The following EPB41L1 variants were observed in gnomAD, a reference collection of about 807,000 sequenced individuals.
EPB41L1 encodes band 4.1-like protein 1.
Under a neutral mutation model 97.8 loss-of-function variants are expected in EPB41L1, and 29 were observed. That is an observed-to-expected ratio of 0.30 (90% CI 0.22 to 0.40). The LOEUF (loss-of-function observed/expected upper bound fraction) is 0.40, where lower values mean the gene tolerates loss of function less well. EPB41L1 is among the 10% of genes least tolerant of loss of function. The pLI, the probability that EPB41L1 is intolerant of heterozygous loss-of-function variation, is 1.00. For missense variants in EPB41L1, 812 were observed against 1,162.3 expected, an observed-to-expected ratio of 0.70 and a Z score of 4.38; for synonymous variants, 383 against 459.2, an observed-to-expected ratio of 0.83 and a Z score of 2.12.
At position 36,230,057 on chromosome 20, in the gene EPB41L1, C is replaced by CCCT. The variant is rs1185969951; in HGVS notation, c.*723_*725dup. On this transcript the variant is annotated 3_prime_UTR_variant, in exon 22 of 22. Coordinates refer to ENST00000338074, the MANE Select transcript of EPB41L1 (RefSeq NM_012156.2). ...CTTGCTGTCATTTTCTGTCTCGGCT[C>CCCT]CCTCCTCCCCCTTCCCCCTTCCCCC... 2.0e-4 allele frequency: 31 copies of CCCT among 152,192 alleles called. No homozygotes were observed. The highest frequency in any genetic ancestry group is 2.0e-3 in the Admixed American group (31 of 15,260). The allele number at this position is 152,192 out of a possible 1,614,324, so 9.4% of individuals were successfully genotyped here.
intron 21 of EPB41L1, 125 bp from the exon 22 acceptor site, chr20:36,229,207 A>T: frequency 1.3e-6 from 1 of 790,852 alleles, no homozygotes; most frequent in Non-Finnish European, 2.2e-6. Context: ...GGTAAAGGGT[A>T]GCAAAAACAA....
intron 16 of EPB41L1, among the ~76,000 whole-genome samples, chr20:36,213,737 C>T (rs1234555743): frequency 3.3e-5 from 5 of 152,020 alleles, no homozygotes; most frequent in African/African-American, 1.2e-4. Context: ...TCAAGCAGAA[C>T]AAAATGGGAT....
intron 21 of EPB41L1, among the ~76,000 whole-genome samples, chr20:36,224,305 AT>A (rs1386076732): frequency 6.6e-6 from 1 of 152,228 alleles, no homozygotes; most frequent in Non-Finnish European, 1.5e-5. Flanking sequence ...TTGGTTACAT[AT>A]TTAAATGATA....
At chr20:36,133,180 G>A (rs192770038) in intron 2 of EPB41L1, among the ~76,000 whole-genome samples, 5 of 148,924 alleles carry the variant, frequency 3.4e-5, no homozygotes, top group South Asian at 2.1e-4. Context: ...GTTGAGCCCC[G>A]CCTTGTTTCT....
intron 14 of EPB41L1, among the ~76,000 whole-genome samples, chr20:36,202,081 A>G (rs2062528200): frequency 6.6e-6 from 1 of 152,234 alleles, no homozygotes; most frequent in Non-Finnish European, 1.5e-5. Flanking sequence ...GAAATCGGAC[A>G]AGAGTCAACA....
At chr20:36,110,540 A>C (rs771508537) in intron 1 of EPB41L1, among the ~76,000 whole-genome samples, 1 of 151,912 alleles carries the variant, frequency 6.6e-6, no homozygotes, top group Non-Finnish European at 1.5e-5. Context: ...ATGTGCACAC[A>C]CACACACACT....
At chr20:36,192,290 C>T (rs568053597) in intron 11 of EPB41L1, among the ~76,000 whole-genome samples, 4 of 152,006 alleles carry the variant, frequency 2.6e-5, no homozygotes, top group African/African-American at 4.8e-5. Flanking sequence ...CCCAACACTT[C>T]GGGAAGCCAA....
chr20:36,177,960 C>A lies in EPB41L1; in HGVS notation c.351C>A (p.Gly117=), dbSNP rs773934976. The A allele has an allele frequency of 3.1e-6, 5 of 1,614,084 alleles. No homozygotes were observed. In the South Asian group the frequency reaches 5.5e-5, roughly 18 times the overall value. ...SEYECEVEKH[G]RGQVLFDLVC... is the part of the protein sequence containing the mutation. ...TCTGCTTCCCTCCTTAGAAACATGG[C>A]CGGGGCCAGGTGCTGTTTGACCTGG... Residue 117 remains glycine, a synonymous_variant, in exon 4 of 22, where the codon GGC becomes GGA. Coordinates refer to ENST00000338074, the MANE Select transcript of EPB41L1 (RefSeq NM_012156.2).
chr20:36,198,125 A>C, intron 14 of EPB41L1, 84 bp downstream of exon 14: 1 of 1,240,388 alleles, frequency 8.1e-7, no homozygotes, highest in Non-Finnish European at 1.2e-6. Context: ...CTCATCCTCC[A>C]CACCAATATG....
chr20:36,215,198 T>C (rs1314162980), intron 17 of EPB41L1, among the ~76,000 whole-genome samples: 2 of 151,962 alleles, frequency 1.3e-5, no homozygotes, highest in Non-Finnish European at 2.9e-5. Flanking sequence ...ACAACCTTTA[T>C]AGATGAGGTA....
chr20:36,208,902 C>T (rs1197777435), intron 14 of EPB41L1, among the ~76,000 whole-genome samples: 2 of 152,170 alleles, frequency 1.3e-5, no homozygotes, highest in Non-Finnish European at 2.9e-5. Context: ...TCCCAAGAAG[C>T]TCGTGCCCAA....
At chr20:36,186,263 G>A (rs568838384) in intron 7 of EPB41L1, among the ~76,000 whole-genome samples, 1 of 152,292 alleles carries the variant, frequency 6.6e-6, no homozygotes, top group African/African-American at 2.4e-5. Flanking sequence ...ATTTGGGGCT[G>A]TAAGTCCAGG....
rs1416818354 is a variant in EPB41L1 at position 36,175,588 on chromosome 20, A to G, written c.215A>G (p.Asp72Gly). 1.9e-6 allele frequency: 3 copies of G among 1,614,222 alleles called. 1 individual carries two copies. The highest frequency in any genetic ancestry group is 2.5e-6 in the Non-Finnish European group (3 of 1,180,042). ...DMEEKDYSEA[D>G]GLSERTTPSK... ...GAGGAGAAGGACTACAGTGAGGCCG[A>G]TGGCCTTTCGGAGAGGACCACGCCC... is the stretch of plus-strand genomic sequence containing the variant. Residue 72 changes from aspartate to glycine, a missense_variant, in exon 3 of 22, where the codon GAT becomes GGT. By Grantham distance (94) the Asp-to-Gly change is moderately conservative. Around this residue, in one of 3 missense-constraint regions of EPB41L1, gnomAD observed 84 missense variants for 94.3 expected, o/e 0.89. Transcript: ENST00000338074.
chr20:36,174,430 G>A (rs1304332889), intron 2 of EPB41L1, among the ~76,000 whole-genome samples: 4 of 151,970 alleles, frequency 2.6e-5, no homozygotes, highest in Non-Finnish European at 4.4e-5. Context: ...GCACCACCAC[G>A]CCTAGCTAAT....
At chr20:36,213,832 C>G (rs1381128494) in intron 16 of EPB41L1, among the ~76,000 whole-genome samples, 1 of 152,208 alleles carries the variant, frequency 6.6e-6, no homozygotes, top group African/African-American at 2.4e-5. Context: ...AATGTTTACA[C>G]AGAAGTGATC....
At chr20:36,156,483 G>T (rs1394761143) in intron 1 of EPB41L1, among the ~76,000 whole-genome samples, 1 of 152,206 alleles carries the variant, frequency 6.6e-6, no homozygotes, top group Admixed American at 6.5e-5. Context: ...GAGTGACTTG[G>T]CCAAGGTCAC....
At chr20:36,126,900 C>T (rs1249188630) in intron 2 of EPB41L1, among the ~76,000 whole-genome samples, 3 of 152,248 alleles carry the variant, frequency 2.0e-5, no homozygotes, top group African/African-American at 7.2e-5. Flanking sequence ...AATAATGCCA[C>T]AGCTGGGCTT....
At chr20:36,147,163 G>A (rs2145392856) in intron 2 of EPB41L1, among the ~76,000 whole-genome samples, 1 of 151,890 alleles carries the variant, frequency 6.6e-6, no homozygotes, top group Admixed American at 6.6e-5. Flanking sequence ...AATAATAACA[G>A]CAACAACAAA....
intron 17 of EPB41L1, among the ~76,000 whole-genome samples, chr20:36,216,024 T>C (rs953082062): frequency 1.3e-5 from 2 of 152,108 alleles, no homozygotes; most frequent in African/African-American, 4.8e-5. Context: ...AAAGGGCTGA[T>C]GTGAGGGGGA....
Sources: allele counts gnomAD v4.1 joint callset (sites outside exome capture counted in the v4.1 genomes callset), GRCh38; gene constraint gnomAD v4.1.1; regional missense constraint gnomAD v4.1.1; transcripts MANE v1.5; gene names NCBI Gene and HGNC (gene_info 2026-07-23, HGNC 2026-07-21).